OR10J1: variants seen among roughly 807,000 people sequenced by gnomAD.
OR10J1 encodes olfactory receptor family 10 subfamily J member 1, also known as olfactory receptor 10J1.
For missense variants in OR10J1, 474 were observed against 376.6 expected, an observed-to-expected ratio of 1.26 and a Z score of -2.14; for synonymous variants, 202 against 143.8, an observed-to-expected ratio of 1.40 and a Z score of -2.89.
At chr1:159,407,108 A>G in the OR10J1 span, among the ~76,000 whole-genome samples, 3 of 152,182 alleles carry the variant, frequency 2.0e-5, no homozygotes, top group Admixed American at 6.6e-5. Context: ...TAGTGAAAAA[A>G]TGCAGAGTCA....
the OR10J1 span, chr1:159,406,299 C>T: frequency 3.9e-6 from 2 of 515,390 alleles, no homozygotes. Flanking sequence ...CAAATCTGTG[C>T]TGTCACCTGA....
chr1:159,423,146 T>G, the OR10J1 span, among the ~76,000 whole-genome samples: 1 of 152,210 alleles, frequency 6.6e-6, no homozygotes, highest in Non-Finnish European at 1.5e-5. Flanking sequence ...AGATGGTTCA[T>G]GTAGCCTCTT....
At chr1:159,418,880 G>T in the OR10J1 span, among the ~76,000 whole-genome samples, 3 of 152,352 alleles carry the variant, frequency 2.0e-5, no homozygotes, top group African/African-American at 7.2e-5. Flanking sequence ...TCTTGCATCA[G>T]TGTGACCTGG....
chr1:159,436,414 T>A (rs1234452029), upstream of OR10J1, among the ~76,000 whole-genome samples: 1 of 152,102 alleles, frequency 6.6e-6, no homozygotes, highest in African/African-American at 2.4e-5. Flanking sequence ...CCTATTGATT[T>A]CCCTCAAATG....
chr1:159,424,333 A>T, the OR10J1 span, among the ~76,000 whole-genome samples: 5 of 151,358 alleles, frequency 3.3e-5, no homozygotes, highest in Non-Finnish European at 7.4e-5. Context: ...GTTAATATGC[A>T]CATACATATG....
At chr1:159,400,468 A>G in the OR10J1 span, among the ~76,000 whole-genome samples, 1 of 151,596 alleles carries the variant, frequency 6.6e-6, no homozygotes, top group East Asian at 1.9e-4. Context: ...AAACTATAAG[A>G]AAAGACAAAG....
At chr1:159,426,928 G>C in the OR10J1 span, among the ~76,000 whole-genome samples, 6 of 151,872 alleles carry the variant, frequency 4.0e-5, no homozygotes, top group South Asian at 1.0e-3. Flanking sequence ...TACTCATTCA[G>C]TCTTTAATAC....
At chr1:159,417,230 C>G in the OR10J1 span, among the ~76,000 whole-genome samples, 5 of 152,220 alleles carry the variant, frequency 3.3e-5, no homozygotes, top group East Asian at 9.6e-4. Context: ...ACTGCTTTTG[C>G]TGTCTCCCAC....
chr1:159,404,893 G>T, the OR10J1 span, among the ~76,000 whole-genome samples: 1 of 152,156 alleles, frequency 6.6e-6, no homozygotes, highest in East Asian at 1.9e-4. Flanking sequence ...AATCCTATAT[G>T]TGAAACTTCC....
chr1:159,416,593 T>G, the OR10J1 span, among the ~76,000 whole-genome samples: 2 of 151,992 alleles, frequency 1.3e-5, no homozygotes, highest in Non-Finnish European at 2.9e-5. Flanking sequence ...TAATGCTGCC[T>G]CATACAATGA....
chr1:159,436,088 C>A (rs1014056453), upstream of OR10J1, among the ~76,000 whole-genome samples: 2 of 151,974 alleles, frequency 1.3e-5, no homozygotes, highest in East Asian at 1.9e-4. Flanking sequence ...TTGCCAGATA[C>A]CACATTTTTA....
the OR10J1 span, among the ~76,000 whole-genome samples, chr1:159,429,329 T>C: frequency 2.0e-5 from 3 of 152,196 alleles, no homozygotes; most frequent in African/African-American, 7.2e-5. Flanking sequence ...TGAGTCATGG[T>C]TCCCACAACA....
the OR10J1 span, among the ~76,000 whole-genome samples, chr1:159,424,060 C>CA: frequency 6.6e-6 from 1 of 151,728 alleles, no homozygotes; most frequent in Admixed American, 6.6e-5. Context: ...AATAAAAATA[C>CA]AAAAAATTAG....
chr1:159,422,869 C>G, the OR10J1 span, among the ~76,000 whole-genome samples: 1 of 152,166 alleles, frequency 6.6e-6, no homozygotes, highest in Non-Finnish European at 1.5e-5. Context: ...ATTAGGGAAC[C>G]TCTTCAGGCT....
At chr1:159,423,095 A>G in the OR10J1 span, among the ~76,000 whole-genome samples, 1 of 151,986 alleles carries the variant, frequency 6.6e-6, no homozygotes, top group East Asian at 1.9e-4. Context: ...ATCCTTTCCA[A>G]TTTTTCAAAA....
upstream of OR10J1, among the ~76,000 whole-genome samples, chr1:159,434,050 T>C (rs1655666339): frequency 6.6e-6 from 1 of 152,220 alleles, no homozygotes; most frequent in South Asian, 2.1e-4. Flanking sequence ...TTATTGAATG[T>C]ATCCTAGATA....
the OR10J1 span, among the ~76,000 whole-genome samples, chr1:159,413,697 G>A: frequency 6.9e-6 from 1 of 145,470 alleles, no homozygotes; most frequent in Non-Finnish European, 1.5e-5. Context: ...TGTGGGGTAG[G>A]GGGAGGGGGG....
At chr1:159,426,040 C>A in the OR10J1 span, among the ~76,000 whole-genome samples, 1 of 151,746 alleles carries the variant, frequency 6.6e-6, no homozygotes, top group Non-Finnish European at 1.5e-5. Context: ...AGGATGAATG[C>A]TGGAGAAATA....
chr1:159,398,963 C>G, the OR10J1 span, among the ~76,000 whole-genome samples: 1 of 151,938 alleles, frequency 6.6e-6, no homozygotes, highest in East Asian at 1.9e-4. Context: ...GCAGATTTAA[C>G]CCAAAGACTA....
Sources: allele counts gnomAD v4.1 joint callset (sites outside exome capture counted in the v4.1 genomes callset), GRCh38; gene constraint gnomAD v4.1.1; transcripts MANE v1.5; gene names NCBI Gene and HGNC (gene_info 2026-07-23, HGNC 2026-07-21).